Variants in SLC27A6 observed in about 807,000 individuals in gnomAD.
The protein encoded by SLC27A6 is solute carrier family 27 member 6.
In SLC27A6, 74 loss-of-function variants were observed where a neutral mutation model predicts 63.9. The ratio of observed to expected loss-of-function variants is 1.16; its 90% CI spans 0.96 to 1.40. The LOEUF is 1.40. Among genes scored for constraint, SLC27A6 ranks in the 40% most tolerant of loss-of-function variants. The probability of loss-of-function intolerance (pLI) is 0.00; values close to 1 mark genes in which losing one functional copy is unlikely to be tolerated. For synonymous variants in SLC27A6, 287 were observed against 260.8 expected (o/e 1.10, Z -0.97); for missense variants, 794 against 732.9 (o/e 1.08, Z -0.96).
At chr5:128,988,816 A>G in intron 3 of SLC27A6, 58 bp downstream of exon 3, 1 of 1,330,172 alleles carries the variant, frequency 7.5e-7, no homozygotes, top group African/African-American at 1.5e-5. Flanking sequence ...TAGAACAAGT[A>G]TTTATTAACA....
intron 4 of SLC27A6, 122 bp downstream of exon 4, chr5:128,990,586 G>T: frequency 9.5e-7 from 1 of 1,053,370 alleles, no homozygotes. Flanking sequence ...TGTTCTTAGA[G>T]CTTCCAAGAT....
chr5:128,966,672 T>C (rs1329103298), intron 1 of SLC27A6, 54 bp downstream of exon 1: 7 of 1,397,960 alleles, frequency 5.0e-6, no homozygotes, highest in Non-Finnish European at 6.5e-6. Context: ...CCTGCTTTCA[T>C]ACCCTTTTTT....
At chr5:129,001,860 T>G (rs2150142247) in intron 4 of SLC27A6, among the ~76,000 whole-genome samples, 1 of 152,330 alleles carries the variant, frequency 6.6e-6, no homozygotes, top group Middle Eastern at 3.4e-3. Flanking sequence ...GGCTTTGTTT[T>G]TAGAAAGGCA....
intron 6 of SLC27A6, among the ~76,000 whole-genome samples, chr5:129,025,140 C>T (rs1752193973): frequency 6.6e-6 from 1 of 152,008 alleles, no homozygotes; most frequent in Non-Finnish European, 1.5e-5. Flanking sequence ...GCTGGTTGAC[C>T]CCAAATATCT....
At chr5:128,987,479 A>C (rs1750828294) in intron 2 of SLC27A6, among the ~76,000 whole-genome samples, 1 of 152,192 alleles carries the variant, frequency 6.6e-6, no homozygotes, top group Admixed American at 6.5e-5. Flanking sequence ...ATTCTAGATT[A>C]GATTGAGACC....
Position 129,027,315 on chromosome 5 carries a change from A to T in SLC27A6, c.1438A>T (p.Thr480Ser), listed in dbSNP as rs1347828520. 1 of 1,610,772 alleles carries T rather than the reference A, an allele frequency of 6.2e-7. No homozygotes were observed. Among genetic ancestry groups the T allele is most frequent in the East Asian group, 2.2e-5 (1 of 44,832 alleles). The change falls in exon 7 of 10, where the codon ACT becomes TCT. Residue 480 changes from threonine (T) to serine (S), a missense_variant. Thr to Ser is a moderately conservative substitution (Grantham distance 58). Coordinates refer to ENST00000262462, the MANE Select transcript of SLC27A6 (RefSeq NM_001017372.3). ...CAATTTCCTTTATTTTTGGGACCGTACTGGAGACACTTTCAGGTATGAAAT... is the reference window on the plus strand; with the variant it reads ...CAATTTCCTTTATTTTTGGGACCGTTCTGGAGACACTTTCAGGTATGAAAT... ...QDNFLYFWDR[T>S]GDTFRWKGEN...
At chr5:129,013,760 TCTC>T (rs1485388118) in intron 4 of SLC27A6, among the ~76,000 whole-genome samples, 2 of 152,194 alleles carry the variant, frequency 1.3e-5, no homozygotes, top group Non-Finnish European at 2.9e-5. Context: ...AATTGCCTCT[TCTC>T]CATTCATTTT....
intron 4 of SLC27A6, among the ~76,000 whole-genome samples, chr5:128,991,392 C>T (rs1220096961): frequency 2.0e-5 from 3 of 152,074 alleles, no homozygotes; most frequent in Non-Finnish European, 4.4e-5. Context: ...GTGCAATACC[C>T]CAAGATAAAA....
At chr5:128,998,646 G>A (rs1030341323) in intron 4 of SLC27A6, among the ~76,000 whole-genome samples, 21 of 152,138 alleles carry the variant, frequency 1.4e-4, no homozygotes, top group African/African-American at 4.3e-4. Context: ...TGGTGTGTTA[G>A]TAAGATTTTC....
At chr5:128,976,516 A>G (rs1750386922) in intron 1 of SLC27A6, among the ~76,000 whole-genome samples, 2 of 150,952 alleles carry the variant, frequency 1.3e-5, no homozygotes, top group South Asian at 4.1e-4. Context: ...CTCCGTCTCA[A>G]ACAAAACAAA....
At chr5:128,997,689 C>T (rs1408180822) in intron 4 of SLC27A6, among the ~76,000 whole-genome samples, 1 of 152,144 alleles carries the variant, frequency 6.6e-6, no homozygotes, top group Non-Finnish European at 1.5e-5. Flanking sequence ...GCCATTTATG[C>T]TAATTCCATT....
At chr5:129,032,970 T>C in intron 9 of SLC27A6, 136 bp from the exon 10 acceptor site, 1 of 464,774 alleles carries the variant, frequency 2.2e-6, no homozygotes, top group East Asian at 3.9e-5. Context: ...TTATTTCTAG[T>C]GTTAAATTAT....
intron 5 of SLC27A6, among the ~76,000 whole-genome samples, chr5:129,016,471 T>A (rs1751901821): frequency 6.7e-6 from 1 of 149,182 alleles, no homozygotes; most frequent in Non-Finnish European, 1.5e-5. Context: ...TTGTAAATTG[T>A]GGTAAATATT....
In SLC27A6 at chr5:128,985,174, G is replaced by C. The variant is rs749183726; in HGVS notation, c.523G>C (p.Glu175Gln). The C allele has an allele frequency of 6.2e-7, 1 of 1,613,864 alleles. No individual in the cohort carries two copies. Among genetic ancestry groups the C allele is most frequent in the African/African-American group, 1.3e-5 (1 of 74,908 alleles). The change falls in exon 2 of 10, where the codon GAA becomes CAA. Residue 175 changes from glutamate to glutamine, a missense_variant. Glu to Gln is a conservative substitution (Grantham distance 29). Coordinates refer to ENST00000262462, the MANE Select transcript of SLC27A6 (RefSeq NM_001017372.3). ...AGAAGAAATCCTTCCAAGCCTCTCA[G>C]AAAATATCAGTGTTTGGGGGATGAA... is the stretch of plus-strand genomic sequence containing the variant. The part of the protein sequence containing the change: ...TVEEILPSLS[E>Q]NISVWGMKDS...
In SLC27A6 at chr5:128,988,669, G is replaced by T. The variant is rs772630978; in HGVS notation, c.755G>T (p.Gly252Val). 6 of 1,613,916 alleles carry T rather than the reference G, an allele frequency of 3.7e-6. 1 individual carries two copies. In the South Asian group the frequency reaches 6.6e-5, roughly 18 times the overall value. ...GGTTCTGCTGTCCTGTGGGCTTTTG[G>T]TTGTACTGCTCATGACATTGTTTAT... ...LRGSAVLWAFGCTAHDIVYIT... is the reference protein window; with the variant it reads ...LRGSAVLWAFVCTAHDIVYIT... The change falls in exon 3 of 10, where the codon GGT (glycine) becomes GTT (valine). Residue 252 changes from glycine to valine, a missense_variant. By Grantham distance (109) the Gly-to-Val change is moderately radical. Coordinates refer to ENST00000262462, the MANE Select transcript of SLC27A6 (RefSeq NM_001017372.3).
In SLC27A6 at chr5:129,015,168, C is replaced by G. The variant is rs181739143; in HGVS notation, c.970-717C>G. 2.3e-3 allele frequency among the ~76,000 whole-genome samples: 351 copies of G among 152,090 alleles called. 2 individuals are homozygous for G. The highest frequency in any genetic ancestry group is 8.3e-3 in the African/African-American group (343 of 41,458). ...ACTACACTGATAATATATTTTTACT[C>G]TAATTTTAGGTGAGTGTAAAAGTTC... On this transcript the variant is annotated intron_variant, in intron 4 of 9. Transcript: ENST00000262462.
chr5:129,026,968 G>T (rs909977428), intron 6 of SLC27A6, among the ~76,000 whole-genome samples, 165 bp from the exon 7 acceptor site: 1 of 152,074 alleles, frequency 6.6e-6, no homozygotes, highest in Non-Finnish European at 1.5e-5. Context: ...GGATGTGCTG[G>T]ATATAGGCAC....
chr5:129,023,669 C>T lies in SLC27A6; in HGVS notation c.1214C>T (p.Pro405Leu), dbSNP rs1355420166. ...AAGTATGACTTTCAGAAAGATGAAC[C>T]CATGAGAAATGAGCAGGGTTGGTGT... ...LIKYDFQKDE[P>L]MRNEQGWCIH... Residue 405 changes from proline to leucine, a missense_variant, in exon 6 of 10, where the codon CCC (proline) becomes CTC (leucine). Physicochemically the swap from Pro to Leu is moderately conservative, Grantham distance 98. Transcript: ENST00000262462. 6.2e-7 allele frequency: 1 copy of T among 1,609,918 alleles called. No individual in the cohort carries two copies. Among genetic ancestry groups the T allele is most frequent in the Non-Finnish European group, 8.5e-7 (1 of 1,178,384 alleles).
At chr5:129,030,876 A>T (rs1221583520) in intron 9 of SLC27A6, among the ~76,000 whole-genome samples, 1 of 152,004 alleles carries the variant, frequency 6.6e-6, no homozygotes, top group Non-Finnish European at 1.5e-5. Flanking sequence ...GTGCAACTTC[A>T]TGCATTCATG....
Sources: allele counts gnomAD v4.1 joint callset (sites outside exome capture counted in the v4.1 genomes callset), GRCh38; gene constraint gnomAD v4.1.1; transcripts MANE v1.5; gene names NCBI Gene and HGNC (gene_info 2026-07-23, HGNC 2026-07-21).